GOLGB1: variants seen among roughly 807,000 people sequenced by gnomAD.
GOLGB1 encodes golgin B1, also known as golgin subfamily B member 1.
In GOLGB1, 174 loss-of-function variants were observed where a neutral mutation model predicts 336.9. That is an observed-to-expected ratio of 0.52 (90% CI 0.46 to 0.59). The LOEUF is 0.59. GOLGB1 is among the 20% of genes least tolerant of loss of function. The pLI is 0.00. For synonymous variants in GOLGB1, 1,208 were observed against 1,289.2 expected (o/e 0.94, Z 1.35); for missense variants, 3,331 against 3,645.3 (o/e 0.91, Z 2.22).
rs758340639 is a variant in GOLGB1 at position 121,696,764 on chromosome 3, G to C, written c.3759C>G (p.Leu1253=). The C allele has an allele frequency of 6.2e-7, 1 of 1,613,984 alleles. No individual in the cohort carries two copies. The highest frequency in any genetic ancestry group is 1.3e-5 in the African/African-American group (1 of 74,916). Reference sequence around the variant, plus strand: ...ACGATTCCTGCTGGTCTGTGCTTGGGAGTTTTCCGTCTATGGATTCCCTTA... The same window carrying C: ...ACGATTCCTGCTGGTCTGTGCTTGGCAGTTTTCCGTCTATGGATTCCCTTA... The part of the protein sequence containing the change: ...IQVRESIDGK[L]PSTDQQESCS... Residue 1253 remains leucine (L), a synonymous_variant, in exon 13 of 22, where the codon CTC becomes CTG. Transcript: ENST00000614479.
chr3:121,729,298 G>A lies in GOLGB1; in HGVS notation c.292C>T (p.Leu98Phe). The A allele has an allele frequency of 6.2e-7, 1 of 1,612,660 alleles. No individual in the cohort carries two copies. The highest frequency in any genetic ancestry group is 1.7e-4 in the Middle Eastern group (1 of 6,058). ...GAAGTTAATTTGGCCTTCGCATGAAGTTTTAGTTTTTTAATTTTGTTATCA... is the reference window on the plus strand; with the variant it reads ...GAAGTTAATTTGGCCTTCGCATGAAATTTTAGTTTTTTAATTTTGTTATCA... ...AADNKIKKLK[L>F]HAKAKLTSLN... The change falls in exon 4 of 22, where the codon CTT (leucine) becomes TTT (phenylalanine). Residue 98 changes from leucine to phenylalanine, a missense_variant. Physicochemically the swap from Leu to Phe is conservative, Grantham distance 22 (BLOSUM62 0). Transcript: ENST00000614479.
intron 1 of GOLGB1, chr3:121,748,810 A>G: frequency 8.1e-6 from 8 of 983,578 alleles, no homozygotes; most frequent in Non-Finnish European, 9.7e-6. Flanking sequence ...TCCCTGTCCC[A>G]CTCTCAAACT....
chr3:121,692,767 A>C (rs1942568325), intron 13 of GOLGB1, among the ~76,000 whole-genome samples, 186 bp from the exon 14 acceptor site: 2 of 152,262 alleles, frequency 1.3e-5, no homozygotes, highest in Admixed American at 1.3e-4. Context: ...AGTGCTATGT[A>C]TTAAAGGTAT....
intron 5 of GOLGB1, among the ~76,000 whole-genome samples, chr3:121,724,907 G>C (rs1919557): frequency 0.71 from 107,920 of 152,126 alleles, 38,927 homozygotes; most frequent in East Asian, 0.86. Flanking sequence ...CAAAGCAGCC[G>C]CAGGTATGGC....
intron 4 of GOLGB1, among the ~76,000 whole-genome samples, chr3:121,728,011 A>C (rs886069817): frequency 1.3e-5 from 2 of 152,228 alleles, no homozygotes; most frequent in African/African-American, 4.8e-5. Context: ...TAAAAAGCAG[A>C]GTATAAAATG....
intron 1 of GOLGB1, among the ~76,000 whole-genome samples, chr3:121,747,007 T>C (rs1043211660): frequency 2.0e-5 from 3 of 151,314 alleles, no homozygotes; most frequent in African/African-American, 7.3e-5. Context: ...ATAAAGGCAC[T>C]ATGTTAATAG....
intron 5 of GOLGB1, among the ~76,000 whole-genome samples, chr3:121,726,433 C>CAAAAAAAAA (rs10547964): frequency 5.4e-3 from 332 of 61,186 alleles, no homozygotes; most frequent in Non-Finnish European, 7.0e-3. Flanking sequence ...CACCCTGTCT[C>CAAAAAAAAA]AAAAAAAAAA....
At position 121,722,261 on chromosome 3, in the gene GOLGB1, C is replaced by A. The variant is rs1945250862; in HGVS notation, c.648+1G>T. ...TTATCCTAATTTTGTGAGGTCCCTA[C>A]CTGTGCAGCTTGCTCTGCCTGTGTC... is the stretch of plus-strand genomic sequence containing the variant. On this transcript the variant is annotated splice_donor_variant, in intron 6 of 21. Transcript: ENST00000614479. LOFTEE classifies it high-confidence loss of function. 1 of 1,558,034 alleles carries A rather than the reference C, an allele frequency of 6.4e-7. No homozygotes were observed. Among genetic ancestry groups the A allele is most frequent in the African/African-American group, 1.4e-5 (1 of 73,988 alleles).
chr3:121,710,059 GAAAA>G (rs543802111), intron 10 of GOLGB1, among the ~76,000 whole-genome samples: 5 of 83,704 alleles, frequency 6.0e-5, no homozygotes, highest in Non-Finnish European at 1.3e-4. Context: ...AAAACCCCAG[GAAAA>G]AAAAAAAAAG....
intron 1 of GOLGB1, among the ~76,000 whole-genome samples, chr3:121,746,565 C>T (rs1275605536): frequency 6.6e-6 from 1 of 152,074 alleles, no homozygotes; most frequent in African/African-American, 2.4e-5. Context: ...ACAATCTCTG[C>T]CTCCTGGGTT....
At chr3:121,714,446 C>A (rs1189470711) in intron 10 of GOLGB1, among the ~76,000 whole-genome samples, 1 of 151,386 alleles carries the variant, frequency 6.6e-6, no homozygotes, top group Non-Finnish European at 1.5e-5. Flanking sequence ...TTAATGGGAA[C>A]AATATGATTT....
Position 121,664,590 on chromosome 3 carries a change from G to A in GOLGB1, c.9685C>T (p.Arg3229Ter). The A allele has an allele frequency of 6.2e-7, 1 of 1,613,790 alleles. No individual in the cohort carries two copies. The highest frequency in any genetic ancestry group is 8.5e-7 in the Non-Finnish European group (1 of 1,179,668). Residue 3229 changes from arginine to a stop codon, truncating the protein, a stop_gained, in exon 22 of 22, where the codon CGA becomes TGA. Coordinates refer to ENST00000614479, the MANE Select transcript of GOLGB1 (RefSeq NM_001366282.2). LOFTEE classifies it high-confidence loss of function. ...GAATGACAGAGTGAACGCAGGACTCGCTTCCATCCAACGCCACTCCGGGTC... is the reference window on the plus strand; with the variant it reads ...GAATGACAGAGTGAACGCAGGACTCACTTCCATCCAACGCCACTCCGGGTC... The part of the protein sequence containing the change: ...RRTRSGVGWK[R>*]VLRSLCHSRT...
chr3:121,666,394 C>T (rs962996143), intron 20 of GOLGB1, among the ~76,000 whole-genome samples: 1 of 152,094 alleles, frequency 6.6e-6, no homozygotes, highest in African/African-American at 2.4e-5. Flanking sequence ...GGGAGATCAA[C>T]CTCCCCATTG....
At chr3:121,749,418 G>C (rs1048866758) in intron 1 of GOLGB1, among the ~76,000 whole-genome samples, 1 of 152,198 alleles carries the variant, frequency 6.6e-6, no homozygotes, top group African/African-American at 2.4e-5. Context: ...GACCCCGAAG[G>C]CCCACCGGAG....
At position 121,681,873 on chromosome 3, in the gene GOLGB1, C is replaced by G. The variant is rs1186483972; in HGVS notation, c.8695-8G>C. On this transcript the variant is annotated splice_polypyrimidine_tract_variant and splice_region_variant and intron_variant, in intron 14 of 21. Coordinates refer to ENST00000614479, the MANE Select transcript of GOLGB1 (RefSeq NM_001366282.2). ...ATTCTTCAATTCCTTCAGCTTTAAC[C>G]AAAGGGAAAGTAAAATGATTATTTG... 6.3e-7 allele frequency: 1 copy of G among 1,575,644 alleles called. No homozygotes were observed. Among genetic ancestry groups the G allele is most frequent in the South Asian group, 1.1e-5 (1 of 89,176 alleles).
At chr3:121,692,939 T>G (rs1482162529) in intron 13 of GOLGB1, among the ~76,000 whole-genome samples, 1 of 152,178 alleles carries the variant, frequency 6.6e-6, no homozygotes, top group African/African-American at 2.4e-5. Flanking sequence ...AATCTTGATA[T>G]GAAAGACAGT....
rs748378406 is a variant in GOLGB1, at chr3:121,696,331, T to C, written c.4192A>G (p.Lys1398Glu). 1 of 1,614,188 alleles carries C rather than the reference T, an allele frequency of 6.2e-7. No individual in the cohort carries two copies. The highest frequency in any genetic ancestry group is 1.1e-5 in the South Asian group (1 of 91,084). The change falls in exon 13 of 22, where the codon AAA becomes GAA. Residue 1398 changes from lysine (K) to glutamate (E), a missense_variant. Transcript: ENST00000614479. ...GLEHLRELQP[K>E]LDELQKLISK... Reference sequence around the variant, plus strand: ...ATGAGTTTTTGCAGTTCATCCAGTTTAGGTTGCAATTCTCTTAGATGTTCT... The same window carrying C: ...ATGAGTTTTTGCAGTTCATCCAGTTCAGGTTGCAATTCTCTTAGATGTTCT...
Position 121,694,232 on chromosome 3 carries a change from T to C in GOLGB1, c.6291A>G (p.Ala2097=), listed in dbSNP as rs781670263. ...ACTTGAGATTGTCTGCTAGGACCCT[T>C]GCTGCTTCACTTTGAGTGTCATCTA... is the stretch of plus-strand genomic sequence containing the variant. The part of the protein sequence containing the change: ...VLLDDTQSEA[A]RVLADNLKLK... Residue 2097 remains alanine, a synonymous_variant, in exon 13 of 22, where the codon GCA becomes GCG. Coordinates refer to ENST00000614479, the MANE Select transcript of GOLGB1 (RefSeq NM_001366282.2). 1.2e-6 allele frequency: 2 copies of C among 1,611,132 alleles called. No individual in the cohort carries two copies. The highest frequency in any genetic ancestry group is 1.3e-5 in the African/African-American group (1 of 74,936).
Position 121,677,297 on chromosome 3 carries a change from T to C in GOLGB1, c.9027A>G (p.Gln3009=), listed in dbSNP as rs148944271. The C allele has an allele frequency of 8.4e-5, 135 of 1,608,982 alleles. No homozygotes were observed. The highest frequency in any genetic ancestry group is 8.2e-4 in the Middle Eastern group (5 of 6,074). The change falls in exon 16 of 22, where the codon CAA becomes CAG. Residue 3009 remains glutamine (Q), a synonymous_variant. Transcript: ENST00000614479. ...SSSQTQPLKV[Q]YQRQASPETS... ...TGAAATTACTCACCTGTCTTTGGTA[T>C]TGCACTTTGAGAGGCTGAGTCTGGG...
Sources: gnomAD v4.1 joint callset for allele counts (sites outside exome capture counted in the v4.1 genomes callset) on GRCh38, gnomAD v4.1.1 for gene constraint, MANE v1.5 for transcripts, NCBI Gene and HGNC (gene_info 2026-07-23, HGNC 2026-07-21) for gene names.